SAXO1: variants seen among roughly 807,000 people sequenced by gnomAD.
SAXO1 encodes the protein stabilizer of axonemal microtubules 1.
SAXO1 carries 21 observed loss-of-function variants against 17.5 expected under a neutral mutation model. That is an observed-to-expected ratio of 1.20 (90% CI 0.85 to 1.72). The LOEUF (loss-of-function observed/expected upper bound fraction) is 1.72. Among genes scored for constraint, SAXO1 ranks in the 40% most tolerant of loss-of-function variants. The probability of loss-of-function intolerance (pLI) is 0.00; values close to 1 mark genes in which losing one functional copy is unlikely to be tolerated. For synonymous variants in SAXO1, 274 were observed against 216.5 expected (o/e 1.27, Z -2.33); for missense variants, 843 against 596.0 (o/e 1.41, Z -4.32).
intron 1 of SAXO1, among the ~76,000 whole-genome samples, chr9:18,996,324 A>G (rs190045156): frequency 2.6e-4 from 40 of 152,314 alleles, no homozygotes; most frequent in Non-Finnish European, 5.3e-4. Flanking sequence ...GAAATGCATC[A>G]TTAGGCAATT....
intron 1 of SAXO1, among the ~76,000 whole-genome samples, chr9:19,001,541 C>G (rs1834263258): frequency 6.6e-6 from 1 of 151,964 alleles, no homozygotes; most frequent in South Asian, 2.1e-4. Context: ...GTGGCGGGCA[C>G]CTGTAGTCCC....
chr9:19,027,240 T>C, intron 1 of SAXO1: 1 of 1,097,430 alleles, frequency 9.1e-7, no homozygotes, highest in Non-Finnish European at 1.4e-6. Flanking sequence ...ACAGACATAC[T>C]TCCTACCTGT....
chr9:19,012,075 ACCT>A (rs559351436), intron 1 of SAXO1, among the ~76,000 whole-genome samples: 277 of 151,578 alleles, frequency 1.8e-3, no homozygotes, highest in African/African-American at 6.4e-3. Flanking sequence ...CGATCTCTTG[ACCT>A]CATGATCCGC....
chr9:18,982,945 AG>A (rs535397882), intron 1 of SAXO1, among the ~76,000 whole-genome samples: 145 of 152,338 alleles, frequency 9.5e-4, no homozygotes, highest in Admixed American at 8.6e-3. Flanking sequence ...CATAAAGCTT[AG>A]TGTGAACACT....
At chr9:19,028,151 C>T (rs2131041167) in intron 1 of SAXO1, 3 of 1,525,562 alleles carry the variant, frequency 2.0e-6, no homozygotes, top group Non-Finnish European at 2.7e-6. Context: ...GCAGGCCAGC[C>T]CCGGACTCGC....
At chr9:18,981,221 G>A (rs1385065280) in intron 1 of SAXO1, among the ~76,000 whole-genome samples, 1 of 152,140 alleles carries the variant, frequency 6.6e-6, no homozygotes, top group Admixed American at 6.5e-5. Context: ...ATGGAAAGAA[G>A]GGAAAGAAAG....
At chr9:19,022,582 T>A (rs567875560) in intron 1 of SAXO1, among the ~76,000 whole-genome samples, 1 of 152,246 alleles carries the variant, frequency 6.6e-6, no homozygotes, top group East Asian at 1.9e-4. Context: ...ATTGGACCAT[T>A]ATGGGGAAAG....
chr9:18,939,728 TG>T (rs1450232767), intron 3 of SAXO1, among the ~76,000 whole-genome samples: 1 of 152,208 alleles, frequency 6.6e-6, no homozygotes, highest in Non-Finnish European at 1.5e-5. Context: ...AGAAAAGGTT[TG>T]GGTTTTTATC....
At chr9:19,017,699 A>G (rs1835043266) in intron 1 of SAXO1, among the ~76,000 whole-genome samples, 1 of 152,264 alleles carries the variant, frequency 6.6e-6, no homozygotes, top group African/African-American at 2.4e-5. Context: ...AATCCTGAAT[A>G]ATATAACCAT....
intron 1 of SAXO1, among the ~76,000 whole-genome samples, chr9:18,972,070 C>G (rs1832963829): frequency 6.6e-6 from 1 of 152,094 alleles, no homozygotes; most frequent in Non-Finnish European, 1.5e-5. Context: ...TTGTTAAACC[C>G]CTTGGGCTTC....
chr9:18,938,140 T>A (rs1261759745), intron 3 of SAXO1, among the ~76,000 whole-genome samples: 1 of 152,136 alleles, frequency 6.6e-6, no homozygotes, highest in African/African-American at 2.4e-5. Context: ...ATTAACTCTG[T>A]TTAAGTAGGC....
chr9:18,951,283 C>A (rs1283788950), intron 1 of SAXO1, among the ~76,000 whole-genome samples: 1 of 152,146 alleles, frequency 6.6e-6, no homozygotes, highest in African/African-American at 2.4e-5. Flanking sequence ...TGCCCCAGGT[C>A]CTCCCCTGAG....
At chr9:19,027,374 A>G (rs1835530929) in intron 1 of SAXO1, 3 of 772,636 alleles carry the variant, frequency 3.9e-6, no homozygotes, top group African/African-American at 1.7e-5. Flanking sequence ...ACAGAGGTGG[A>G]TGAGAGACCC....
chr9:19,027,466 AAGG>A lies in SAXO1; in HGVS notation c.38+5402_38+5404del, dbSNP rs553235081. 5.0e-4 allele frequency: 392 copies of A among 782,146 alleles called. No homozygotes were observed. In the African/African-American group the frequency reaches 5.7e-3, roughly 11 times the overall value. 48.5% of individuals were successfully genotyped at this position (782,146 alleles called of 1,614,324 possible). On this transcript the variant is annotated intron_variant, in intron 1 of 3. Transcript: ENST00000380534. ...GGCCACTGTCTTGTCAATGAACCAC[AAGG>A]AGAAGTTTGAGAACTTGCGGATCCA...
intron 3 of SAXO1, 120 bp from the exon 4 acceptor site, chr9:18,929,175 G>A: frequency 8.9e-7 from 1 of 1,119,712 alleles, no homozygotes; most frequent in Non-Finnish European, 1.2e-6. Flanking sequence ...GACAAAGAAA[G>A]AACAGAGCAC....
chr9:18,977,076 G>A (rs73431254), intron 1 of SAXO1, among the ~76,000 whole-genome samples: 3,216 of 152,202 alleles, frequency 0.021, 104 homozygotes, highest in African/African-American at 0.072. Context: ...GGTCATCTTC[G>A]TGGACTATAT....
chr9:18,938,842 G>A (rs5896822), intron 3 of SAXO1, among the ~76,000 whole-genome samples: 489 of 38,242 alleles, frequency 0.013, 2 homozygotes, highest in African/African-American at 0.038. Context: ...GTGTGTGTGT[G>A]TGTGTGTGTG....
At chr9:18,989,770 AG>A (rs1245461795) in intron 1 of SAXO1, among the ~76,000 whole-genome samples, 1 of 152,208 alleles carries the variant, frequency 6.6e-6, no homozygotes, top group African/African-American at 2.4e-5. Flanking sequence ...GCATGTAGGT[AG>A]CAGGCAGCTT....
At chr9:19,024,451 G>A (rs1835387504) in intron 1 of SAXO1, among the ~76,000 whole-genome samples, 1 of 151,562 alleles carries the variant, frequency 6.6e-6, no homozygotes, top group Non-Finnish European at 1.5e-5. Flanking sequence ...GTGGGGTGGG[G>A]CGAGGGGGGG....
Sources: allele counts gnomAD v4.1 joint callset (sites outside exome capture counted in the v4.1 genomes callset), GRCh38; gene constraint gnomAD v4.1.1; transcripts MANE v1.5; gene names NCBI Gene and HGNC (gene_info 2026-07-23, HGNC 2026-07-21).